GNAO1: variants seen among roughly 807,000 people sequenced by gnomAD.
The protein encoded by GNAO1 is guanine nucleotide-binding protein G(o) subunit alpha.
For missense variants in GNAO1, 166 were observed against 478.7 expected, an observed-to-expected ratio of 0.35 and a Z score of 6.10; for synonymous variants, 164 against 180.7, an observed-to-expected ratio of 0.91 and a Z score of 0.74.
At position 56,311,910 on chromosome 16, in the gene GNAO1, C is replaced by T. The variant is rs1266829160; in HGVS notation, c.304-16721C>T. 2.6e-5 allele frequency among the ~76,000 whole-genome samples: 4 copies of T among 152,208 alleles called. No individual in the cohort carries two copies. In the South Asian group the frequency reaches 8.3e-4, roughly 31 times the overall value. ...TTACACCTGTCACCATCCCACCTGCCGCATGTAAACACTACCAGCATCAAC... is the reference window on the plus strand; with the variant it reads ...TTACACCTGTCACCATCCCACCTGCTGCATGTAAACACTACCAGCATCAAC... On this transcript the variant is annotated intron_variant, in intron 3 of 8. Transcript: ENST00000262493. The surrounding 1 kb of genome is among the most constrained non-coding windows in gnomAD (Gnocchi z 5.2).
chr16:56,310,601 A>G (rs1412032344), intron 3 of GNAO1, among the ~76,000 whole-genome samples: 4 of 152,170 alleles, frequency 2.6e-5, no homozygotes, highest in African/African-American at 9.7e-5. Flanking sequence ...AGGGCACTCT[A>G]TTGCTCACTG....
At chr16:56,219,637 G>A (rs747697835) in intron 2 of GNAO1, among the ~76,000 whole-genome samples, 18 of 152,136 alleles carry the variant, frequency 1.2e-4, no homozygotes, top group Non-Finnish European at 2.5e-4. Flanking sequence ...TTTTCTTAAG[G>A]TGTACAGCAA....
intron 2 of GNAO1, among the ~76,000 whole-genome samples, chr16:56,232,610 A>G (rs2036599782): frequency 6.6e-6 from 1 of 152,168 alleles, no homozygotes; most frequent in Non-Finnish European, 1.5e-5. Context: ...TTTGCATGAA[A>G]AACTATTGGC....
At chr16:56,220,191 G>C (rs1007804717) in intron 2 of GNAO1, among the ~76,000 whole-genome samples, 1 of 152,022 alleles carries the variant, frequency 6.6e-6, no homozygotes, top group East Asian at 1.9e-4. Flanking sequence ...CTGGGACAAG[G>C]CTCCTGAGTC....
chr16:56,303,322 G>A (rs1354844663), intron 3 of GNAO1, among the ~76,000 whole-genome samples: 1 of 152,228 alleles, frequency 6.6e-6, no homozygotes, highest in Non-Finnish European at 1.5e-5. Flanking sequence ...CAAGTGGTGT[G>A]ATGCTGAGCT....
intron 2 of GNAO1, among the ~76,000 whole-genome samples, chr16:56,262,265 G>C (rs894904578): frequency 3.3e-5 from 5 of 152,236 alleles, no homozygotes; most frequent in Non-Finnish European, 7.3e-5. Context: ...ACAGCAAGTC[G>C]CAAGGGAGCC....
At chr16:56,271,254 A>G (rs577248780) in intron 2 of GNAO1, 4 of 152,296 alleles carry the variant, frequency 2.6e-5, no homozygotes, top group South Asian at 4.1e-4. Context: ...GGCCTAACCT[A>G]TCTGAGCCTC....
intron 2 of GNAO1, among the ~76,000 whole-genome samples, chr16:56,274,766 G>T (rs2037047343): frequency 6.6e-6 from 1 of 152,166 alleles, no homozygotes; most frequent in South Asian, 2.1e-4. Flanking sequence ...TAGGGGCAGG[G>T]CATGGACAGT....
At chr16:56,320,414 G>A (rs1011808292) in intron 3 of GNAO1, among the ~76,000 whole-genome samples, 8 of 152,206 alleles carry the variant, frequency 5.3e-5, no homozygotes, top group Admixed American at 2.0e-4. Context: ...AAATGATGGT[G>A]CTGTCATCCC....
intron 2 of GNAO1, among the ~76,000 whole-genome samples, chr16:56,262,356 T>C (rs1258622879): frequency 1.3e-5 from 2 of 152,196 alleles, no homozygotes; most frequent in Non-Finnish European, 2.9e-5. Context: ...CTTTTGGACT[T>C]GCCTGGTGTC....
chr16:56,354,838 C>T lies in GNAO1; in HGVS notation c.878-28C>T. The T allele has an allele frequency of 6.6e-7, 1 of 1,506,766 alleles. No homozygotes were observed. Among genetic ancestry groups the T allele is most frequent in the Non-Finnish European group, 9.2e-7 (1 of 1,084,196 alleles). 93.3% of individuals were successfully genotyped at this position (1,506,766 alleles called of 1,614,324 possible). On this transcript the variant is annotated intron_variant, in intron 7 of 8. Transcript: ENST00000262493. This position sits in a 1 kb window ranked among gnomAD's most constrained non-coding sequence, Gnocchi z 4.3. ...CCACCCACAGCGCTCATCAGGGCCT[C>T]TCCCCGTTCTTCTGTGTCTTGTTAC...
At chr16:56,289,137 A>G (rs558409259) in intron 3 of GNAO1, among the ~76,000 whole-genome samples, 2 of 152,256 alleles carry the variant, frequency 1.3e-5, no homozygotes, top group South Asian at 2.1e-4. Context: ...TGATGTTCCC[A>G]CAGCCGCTGG....
At chr16:56,343,979 C>G in intron 6 of GNAO1, 1 of 1,605,334 alleles carries the variant, frequency 6.2e-7, no homozygotes. Flanking sequence ...GCACCCTTGC[C>G]CTGCCTGGCC....
chr16:56,344,105 C>T lies in GNAO1; in HGVS notation c.723+7245C>T, dbSNP rs542099592. On this transcript the variant is annotated intron_variant, in intron 6 of 8. Coordinates refer to ENST00000262493, the MANE Select transcript of GNAO1 (RefSeq NM_020988.3). ...GAGGGAGGAGGGAGCATCCTCCACC[C>T]GCACCCCCCAACAGAACTTGTGGTA... is the stretch of plus-strand genomic sequence containing the variant. 184 of 1,456,662 alleles carry T rather than the reference C, an allele frequency of 1.3e-4. 1 individual carries two copies. The highest frequency in any genetic ancestry group is 1.6e-4 in the Non-Finnish European group (177 of 1,108,676). The allele number at this position is 1,456,662 out of a possible 1,614,324, so 90.2% of individuals were successfully genotyped here.
At chr16:56,319,789 C>T (rs1433734129) in intron 3 of GNAO1, among the ~76,000 whole-genome samples, 1 of 152,104 alleles carries the variant, frequency 6.6e-6, no homozygotes, top group East Asian at 1.9e-4. Flanking sequence ...GTACCTGTAC[C>T]ATGCTCCCCA....
At chr16:56,255,309 G>A (rs1484488300) in intron 2 of GNAO1, among the ~76,000 whole-genome samples, 1 of 152,160 alleles carries the variant, frequency 6.6e-6, no homozygotes, top group African/African-American at 2.4e-5. Context: ...TGCCACATTT[G>A]TTGTTTGTTG....
At chr16:56,198,541 C>T (rs1362261378) in intron 2 of GNAO1, among the ~76,000 whole-genome samples, 1 of 152,200 alleles carries the variant, frequency 6.6e-6, no homozygotes. Context: ...CTTGGCTCTA[C>T]TGCTAACTAA....
At chr16:56,324,151 G>GA (rs1447124825) in intron 3 of GNAO1, among the ~76,000 whole-genome samples, 1 of 152,218 alleles carries the variant, frequency 6.6e-6, no homozygotes, top group Non-Finnish European at 1.5e-5. Flanking sequence ...CCAAACTGTA[G>GA]AATGCATCCT....
At chr16:56,343,733 C>T in intron 6 of GNAO1, 3 of 1,589,666 alleles carry the variant, frequency 1.9e-6, no homozygotes, top group Non-Finnish European at 2.6e-6. Context: ...GGCCTCTCGC[C>T]TCACCACACC....
Sources: gnomAD v4.1 joint callset for allele counts (sites outside exome capture counted in the v4.1 genomes callset) on GRCh38, gnomAD v4.1.1 for gene constraint, Gnocchi (gnomAD v3.1) non-coding constraint, MANE v1.5 for transcripts, NCBI Gene and HGNC (gene_info 2026-07-23, HGNC 2026-07-21) for gene names.